The following ETS2 variants were observed in gnomAD, a reference collection of about 807,000 sequenced individuals.
The protein encoded by ETS2 is ETS proto-oncogene 2, transcription factor.
ETS2 carries 19 observed loss-of-function variants against 54.9 expected under a neutral mutation model. That is an observed-to-expected ratio of 0.35 (90% CI 0.24 to 0.51). The LOEUF (loss-of-function observed/expected upper bound fraction) is 0.51. Ranked by LOEUF, ETS2 falls within the 20% of genes least tolerant of loss-of-function variation. The pLI is 0.97. For synonymous variants in ETS2, 219 were observed against 229.3 expected (o/e 0.95, Z 0.41); for missense variants, 417 against 593.0 (o/e 0.70, Z 3.08).
At position 38,819,624 on chromosome 21, in the gene ETS2, C is replaced by T. The variant is rs113417859; in HGVS notation, c.933C>T (p.Phe311=). The change falls in exon 8 of 10, where the codon TTC becomes TTT. Residue 311 remains phenylalanine, a synonymous_variant. Coordinates refer to ENST00000360938, the MANE Select transcript of ETS2 (RefSeq NM_005239.6). ...TGGATGTGCAACGGGTTCCTTCCTT[C>T]GAGAGCTTCGAAGATGACTGCAGCC... ...SLLDVQRVPS[F]ESFEDDCSQS... 2.3e-5 allele frequency: 37 copies of T among 1,614,192 alleles called. No individual in the cohort carries two copies. The highest frequency in any genetic ancestry group is 1.5e-4 in the African/African-American group (11 of 75,042).
chr21:38,815,990 GGAAGGAA>G, intron 5 of ETS2, among the ~76,000 whole-genome samples: 1 of 166 alleles, frequency 6.0e-3, no homozygotes, highest in Non-Finnish European at 0.01. Flanking sequence ...AAGGAAGGAA[GGAAGGAA>G]GGAAGGAAGG....
chr21:38,817,548 A>C (rs188548717), intron 6 of ETS2, among the ~76,000 whole-genome samples: 96 of 152,356 alleles, frequency 6.3e-4, no homozygotes, highest in African/African-American at 2.2e-3. Flanking sequence ...GAGCAGAACG[A>C]AGTGAGCTGA....
rs927781011 is a variant in ETS2, at chr21:38,821,295, A to G, written c.1076-291A>G. Among the ~76,000 whole-genome samples the G allele has an allele frequency of 6.6e-6, 1 of 152,200 alleles. No individual in the cohort carries two copies. Among genetic ancestry groups the G allele is most frequent in the Non-Finnish European group, 1.5e-5 (1 of 68,032 alleles). ...AGTTGGTGGCCCTAAACTTTCTTCC[A>G]GAAAGAACAAACCTAGCAATCAAGG... is the stretch of plus-strand genomic sequence containing the variant. On this transcript the variant is annotated intron_variant, in intron 8 of 9. Transcript: ENST00000360938. The surrounding 1 kb of genome is among the most constrained non-coding windows in gnomAD (Gnocchi z 4.2).
upstream of ETS2, chr21:38,805,879 CCTCCCTCCTCCTCCCG>C (rs1953148673): frequency 1.7e-6 from 2 of 1,210,038 alleles, no homozygotes; most frequent in Non-Finnish European, 2.1e-6. The surrounding 1 kb of genome is among the most constrained non-coding windows in gnomAD (Gnocchi z 5.2). Context: ...CCTCCTCCCT[CCTCCCTCCTCCTCCCG>C]CTCCTGAAGA....
intron 8 of ETS2, among the ~76,000 whole-genome samples, chr21:38,820,360 G>T (rs1448228415): frequency 1.3e-5 from 2 of 151,944 alleles, no homozygotes; most frequent in African/African-American, 4.8e-5. Context: ...GAGCCACTGT[G>T]GATTGAAATT....
Position 38,823,412 on chromosome 21 carries a change from T to A in ETS2, c.*523T>A, listed in dbSNP as rs2060966365. 1 of 152,680 alleles carries A rather than the reference T, an allele frequency of 6.5e-6. No individual in the cohort carries two copies. The highest frequency in any genetic ancestry group is 1.5e-5 in the Non-Finnish European group (1 of 68,060). The allele number at this position is 152,680 out of a possible 1,614,324, so 9.5% of individuals were successfully genotyped here. Reference sequence around the variant, plus strand: ...AGTTGTATTTAACAGAAATTGTATATTGTAATTTAAAATAATTATATAACT... The same window carrying A: ...AGTTGTATTTAACAGAAATTGTATAATGTAATTTAAAATAATTATATAACT... On this transcript the variant is annotated 3_prime_UTR_variant, in exon 10 of 10. Coordinates refer to ENST00000360938, the MANE Select transcript of ETS2 (RefSeq NM_005239.6).
chr21:38,813,326 C>T (rs2060920814), intron 3 of ETS2, among the ~76,000 whole-genome samples: 1 of 152,156 alleles, frequency 6.6e-6, no homozygotes, highest in Non-Finnish European at 1.5e-5. Context: ...CCAGACGCCC[C>T]CCAGTGAGCC....
intron 5 of ETS2, among the ~76,000 whole-genome samples, chr21:38,816,040 A>T (rs138108381): frequency 0.01 from 1 of 100 alleles, no homozygotes; most frequent in African/African-American, 0.083. Context: ...GGAAGGAAAG[A>T]AAGAGGGAGG....
chr21:38,805,316 A>G, upstream of ETS2: 1 of 1,272,698 alleles, frequency 7.9e-7, no homozygotes, highest in Non-Finnish European at 1.0e-6. The surrounding 1 kb of genome is among the most constrained non-coding windows in gnomAD (Gnocchi z 5.2). Flanking sequence ...TAGAATGATC[A>G]TTAGTCCTAA....
chr21:38,807,379 T>A (rs1316301855), intron 1 of ETS2, among the ~76,000 whole-genome samples: 1 of 152,006 alleles, frequency 6.6e-6, no homozygotes, highest in East Asian at 1.9e-4. Context: ...TGTTTTTAAA[T>A]GTAACCATTC....
intron 5 of ETS2, 103 bp from the exon 6 acceptor site, chr21:38,816,902 CTCA>C (rs931431177): frequency 3.3e-4 from 227 of 691,122 alleles, no homozygotes; most frequent in Non-Finnish European, 5.1e-4. Context: ...CTCCGTGCAT[CTCA>C]TCATTCTAAA....
At chr21:38,805,921 G>T, upstream of ETS2, 1 of 1,248,694 alleles carries the variant, frequency 8.0e-7, no homozygotes, top group African/African-American at 1.6e-5. This position sits in a 1 kb window ranked among gnomAD's most constrained non-coding sequence, Gnocchi z 5.2. Context: ...CCGCGTGGGG[G>T]ACGGCCCGGT....
chr21:38,817,100 G>A lies in ETS2; in HGVS notation c.589+9G>A, dbSNP rs112853203. The stretch of plus-strand genomic sequence containing the variant: ...TAACAGCAATACATTAGGTCAGTCC[G>A]ATTGATTCTGCCCTTAAGAACTTTG... On this transcript the variant is annotated intron_variant, in intron 6 of 9. Coordinates refer to ENST00000360938, the MANE Select transcript of ETS2 (RefSeq NM_005239.6). 3,576 of 1,559,170 alleles carry A rather than the reference G, an allele frequency of 2.3e-3. 11 individuals are homozygous for A. Among genetic ancestry groups the A allele is most frequent in the Non-Finnish European group, 2.8e-3 (3,155 of 1,130,796 alleles).
In ETS2 at chr21:38,806,195, G is replaced by A; in HGVS notation, c.-1+75G>A. ...GGAGGGTCACCCGGGGCCTGGGCGG[G>A]GGTCGCGGGGGGCACTGACACGCAG... On this transcript the variant is annotated intron_variant, in intron 1 of 9. Transcript: ENST00000360938. This position sits in a 1 kb window ranked among gnomAD's most constrained non-coding sequence, Gnocchi z 4.3. The A allele has an allele frequency of 2.0e-6, 2 of 994,234 alleles. No homozygotes were observed. Among genetic ancestry groups the A allele is most frequent in the African/African-American group, 1.7e-5 (1 of 57,316 alleles). 61.6% of individuals were successfully genotyped at this position (994,234 alleles called of 1,614,324 possible).
intron 5 of ETS2, among the ~76,000 whole-genome samples, chr21:38,815,941 AG>A: frequency 0.028 from 1 of 36 alleles, no homozygotes; most frequent in Non-Finnish European, 0.12. Flanking sequence ...GTTGAAAGGA[AG>A]GAAGGAAGGA....
intron 6 of ETS2, among the ~76,000 whole-genome samples, chr21:38,817,779 G>A (rs2123420337): frequency 6.6e-6 from 1 of 152,232 alleles, no homozygotes; most frequent in Non-Finnish European, 1.5e-5. Context: ...GGGTGGTGTT[G>A]GTCCGGCCCA....
In ETS2 at chr21:38,814,513, T is replaced by C; in HGVS notation, c.304+121T>C. The C allele has an allele frequency of 3.2e-6, 4 of 1,256,540 alleles. No individual in the cohort carries two copies. In the East Asian group the frequency reaches 9.5e-5, roughly 30 times the overall value. The allele number at this position is 1,256,540 out of a possible 1,614,324, so 77.8% of individuals were successfully genotyped here. The stretch of plus-strand genomic sequence containing the variant: ...TATTCTGCAAAGAGTAGCATGGATG[T>C]CGTTAACCTGAGCCAGTTTCTGTTT... On this transcript the variant is annotated intron_variant, in intron 4 of 9. Coordinates refer to ENST00000360938, the MANE Select transcript of ETS2 (RefSeq NM_005239.6). The surrounding 1 kb of genome is among the most constrained non-coding windows in gnomAD (Gnocchi z 4.2).
rs998396695 is a variant in ETS2, at chr21:38,823,899, C to G, written c.*1010C>G. ...TAACTGTGTTTCTCCGACAGCTCAC[C>G]TCTCTCTGACCACCCAGCCATTTCC... On this transcript the variant is annotated 3_prime_UTR_variant, in exon 10 of 10. Transcript: ENST00000360938. The G allele has an allele frequency of 6.6e-6, 1 of 152,498 alleles. No homozygotes were observed. Among genetic ancestry groups the G allele is most frequent in the Non-Finnish European group, 1.5e-5 (1 of 68,020 alleles). 9.4% of individuals were successfully genotyped at this position (152,498 alleles called of 1,614,324 possible).
At position 38,819,526 on chromosome 21, in the gene ETS2, CCT is replaced by C. The variant is rs2060948891; in HGVS notation, c.836_837del (p.Pro279ArgfsTer38). The part of the protein sequence containing the change: ...NSGTPKDHDS[P>X]ENGADSFESS... ...AGGGACTCCCAAAGACCACGACTCC[CCT>C]GAGAACGGTGCGGACAGCTTCGAGA... On this transcript the variant is annotated frameshift_variant, in exon 8 of 10. Transcript: ENST00000360938. LOFTEE classifies it high-confidence loss of function. 6.2e-7 allele frequency: 1 copy of C among 1,614,052 alleles called. No homozygotes were observed. Among genetic ancestry groups the C allele is most frequent in the Admixed American group, 1.7e-5 (1 of 60,012 alleles).
Sources: allele counts gnomAD v4.1 joint callset (sites outside exome capture counted in the v4.1 genomes callset), GRCh38; gene constraint gnomAD v4.1.1; non-coding constraint Gnocchi (gnomAD v3.1); transcripts MANE v1.5; gene names NCBI Gene and HGNC (gene_info 2026-07-23, HGNC 2026-07-21).